The following CSMD3 variants were observed in gnomAD, a reference collection of about 807,000 sequenced individuals.
CSMD3 encodes CUB and sushi domain-containing protein 3.
In CSMD3, 177 loss-of-function variants were observed where a neutral mutation model predicts 435.2. That is an observed-to-expected ratio of 0.41 (90% CI 0.36 to 0.46). CSMD3 has a LOEUF of 0.46. Among genes scored for constraint, CSMD3 ranks in the 20% least tolerant of loss-of-function variants. CSMD3 has a pLI of 0.34. For synonymous variants in CSMD3, 1,656 were observed against 1,520.5 expected, an observed-to-expected ratio of 1.09 and a Z score of -2.07; for missense variants, 4,265 against 4,504.6, an observed-to-expected ratio of 0.95 and a Z score of 1.52.
chr8:112,569,928 T>C (rs1829372515), intron 24 of CSMD3, among the ~76,000 whole-genome samples: 2 of 152,282 alleles, frequency 1.3e-5, no homozygotes, highest in South Asian at 4.1e-4. Context: ...ATGTTCTCGC[T>C]CCTGTTCTGA....
chr8:112,666,094 A>G (rs377230193), intron 17 of CSMD3, among the ~76,000 whole-genome samples, 183 bp downstream of exon 17: 1 of 152,152 alleles, frequency 6.6e-6, no homozygotes, highest in South Asian at 2.1e-4. Context: ...GCATTACACA[A>G]ATAGAAAATT....
chr8:112,650,254 A>C lies in CSMD3; in HGVS notation c.3100T>G (p.Phe1034Val). Residue 1034 changes from phenylalanine to valine, a missense_variant, in exon 19 of 71, where the codon TTT becomes GTT. By Grantham distance (50) the Phe-to-Val change is conservative. This residue lies in a region of CSMD3 where 3,255 missense variants were observed against 3,380.2 expected (regional missense o/e 0.96). Transcript: ENST00000297405. ...AACCTGTATCCTGAATCACAACTAA[A>C]TGAAACAGTAGAGCCAATGGAGAAA... ...HDFSIGSTVS[F>V]SCDSGYRLSH... 4 of 1,613,858 alleles carry C rather than the reference A, an allele frequency of 2.5e-6. No individual in the cohort carries two copies. Among genetic ancestry groups the C allele is most frequent in the Non-Finnish European group, 3.4e-6 (4 of 1,179,776 alleles).
intron 11 of CSMD3, among the ~76,000 whole-genome samples, chr8:112,831,622 A>G (rs1029374648): frequency 2.0e-5 from 3 of 147,044 alleles, no homozygotes; most frequent in African/African-American, 7.6e-5. Context: ...ATGTTTATAT[A>G]TCATTTATAT....
chr8:112,270,005 A>G (rs1283331097), intron 59 of CSMD3, among the ~76,000 whole-genome samples: 2 of 152,132 alleles, frequency 1.3e-5, no homozygotes, highest in African/African-American at 4.8e-5. Flanking sequence ...TAATGAGGAC[A>G]TGTCTGGAGT....
chr8:112,557,012 T>C, intron 24 of CSMD3, 58 bp from the exon 25 acceptor site: 1 of 1,018,824 alleles, frequency 9.8e-7, no homozygotes, highest in Non-Finnish European at 1.5e-6. Flanking sequence ...TTTAAATCTA[T>C]ACAAATCATT....
chr8:112,413,733 A>C (rs1425739522), intron 32 of CSMD3, among the ~76,000 whole-genome samples: 1 of 152,194 alleles, frequency 6.6e-6, no homozygotes, highest in Non-Finnish European at 1.5e-5. Context: ...CTTTTCCACT[A>C]AACTCTAATC....
chr8:113,164,342 C>A (rs2092107332), intron 4 of CSMD3, among the ~76,000 whole-genome samples: 1 of 150,524 alleles, frequency 6.6e-6, no homozygotes, highest in African/African-American at 2.4e-5. Flanking sequence ...AATAATTTAG[C>A]TTTGAATACT....
At chr8:112,404,926 C>T (rs190640174) in intron 35 of CSMD3, among the ~76,000 whole-genome samples, 3 of 150,886 alleles carry the variant, frequency 2.0e-5, no homozygotes, top group Admixed American at 2.0e-4. Context: ...ACCTGTAATC[C>T]CAGCATTCTG....
At chr8:112,604,820 A>G (rs1832665928) in intron 22 of CSMD3, among the ~76,000 whole-genome samples, 1 of 152,314 alleles carries the variant, frequency 6.6e-6, no homozygotes, top group South Asian at 2.1e-4. Context: ...TTGCACAGCA[A>G]AAGAAAGTAT....
At chr8:112,474,281 C>A (rs1044382766) in intron 31 of CSMD3, among the ~76,000 whole-genome samples, 1 of 152,070 alleles carries the variant, frequency 6.6e-6, no homozygotes, top group South Asian at 2.1e-4. Flanking sequence ...AAGAAGTTTG[C>A]CAACCCCCGA....
Position 112,437,381 on chromosome 8 carries a change from GA to G in CSMD3, c.5396-28350del, listed in dbSNP as rs535012741. ...GTAGTTCAATGTATACTTATTTACAGAAAAAGTTTATGATTTGAATATGCTC... is the reference window on the plus strand; with the variant it reads ...GTAGTTCAATGTATACTTATTTACAGAAAAGTTTATGATTTGAATATGCTC... On this transcript the variant is annotated intron_variant, in intron 32 of 70. Coordinates refer to ENST00000297405, the MANE Select transcript of CSMD3 (RefSeq NM_198123.2). Among the ~76,000 whole-genome samples the G allele has an allele frequency of 2.2e-3, 332 of 152,136 alleles. 2 individuals are homozygous for G. Among genetic ancestry groups the G allele is most frequent in the African/African-American group, 7.7e-3 (321 of 41,550 alleles).
chr8:112,813,472 T>C (rs759875287), intron 12 of CSMD3, among the ~76,000 whole-genome samples: 8 of 152,040 alleles, frequency 5.3e-5, no homozygotes, highest in Non-Finnish European at 1.2e-4. Flanking sequence ...GGAATTCAAA[T>C]TGGGAGGATA....
At chr8:112,275,465 T>C (rs1817956770) in intron 59 of CSMD3, among the ~76,000 whole-genome samples, 1 of 152,074 alleles carries the variant, frequency 6.6e-6, no homozygotes, top group Non-Finnish European at 1.5e-5. Flanking sequence ...GAGAATCACT[T>C]GAACCCAGGA....
At chr8:112,390,877 A>AT in intron 35 of CSMD3, 89 bp from the exon 36 acceptor site, 1 of 1,190,538 alleles carries the variant, frequency 8.4e-7, no homozygotes, top group Non-Finnish European at 1.2e-6. Context: ...TCTTAGACAG[A>AT]TACTAGACTT....
chr8:113,100,059 T>TA (rs892115092), intron 4 of CSMD3, among the ~76,000 whole-genome samples: 19 of 151,978 alleles, frequency 1.3e-4, no homozygotes, highest in Admixed American at 2.6e-4. Flanking sequence ...GGGTAGAACA[T>TA]AAAAAAAATT....
chr8:113,158,482 G>A (rs1210952447), intron 4 of CSMD3, among the ~76,000 whole-genome samples: 1 of 152,010 alleles, frequency 6.6e-6, no homozygotes, highest in Non-Finnish European at 1.5e-5. Context: ...ACCATCACTT[G>A]AATTGACTCT....
chr8:112,406,993 A>G (rs965730392), intron 34 of CSMD3, among the ~76,000 whole-genome samples: 2 of 151,962 alleles, frequency 1.3e-5, no homozygotes, highest in African/African-American at 4.8e-5. Flanking sequence ...TACCGAACTC[A>G]TTAATATTAC....
At chr8:112,378,304 C>T (rs1174512452) in intron 38 of CSMD3, among the ~76,000 whole-genome samples, 2 of 151,202 alleles carry the variant, frequency 1.3e-5, no homozygotes, top group Non-Finnish European at 2.9e-5. Flanking sequence ...ATATAAGATC[C>T]AAAAATCTCA....
chr8:112,252,656 T>C (rs933880415), intron 63 of CSMD3, among the ~76,000 whole-genome samples: 3 of 142,304 alleles, frequency 2.1e-5, no homozygotes, highest in Admixed American at 7.2e-5. Context: ...CAGATTTAGT[T>C]AACAGATTTA....
Sources: allele counts gnomAD v4.1 joint callset (sites outside exome capture counted in the v4.1 genomes callset), GRCh38; gene constraint gnomAD v4.1.1; regional missense constraint gnomAD v4.1.1; transcripts MANE v1.5; gene names NCBI Gene and HGNC (gene_info 2026-07-23, HGNC 2026-07-21).